AMPH: variants seen among roughly 807,000 people sequenced by gnomAD.
AMPH encodes amphiphysin (Stiff-Mann syndrome with breast cancer 128kD autoantigen).
A neutral mutation model predicts 99.1 loss-of-function variants in AMPH; 49 were observed. That is an observed-to-expected ratio of 0.49 (90% confidence interval 0.39 to 0.63). AMPH has a LOEUF of 0.63. AMPH is among the 20% of genes least tolerant of loss of function. AMPH has a pLI of 0.00. For missense variants in AMPH, 759 were observed against 863.4 expected (o/e 0.88, Z 1.52); for synonymous variants, 314 against 317.3 (o/e 0.99, Z 0.11).
chr7:38,449,915 A>G (rs1028630922), intron 11 of AMPH, among the ~76,000 whole-genome samples: 2 of 152,226 alleles, frequency 1.3e-5, no homozygotes, highest in Non-Finnish European at 2.9e-5. Context: ...TCAGGATTAC[A>G]TGGGTGAAAA....
rs7790089 is a variant in AMPH at position 38,565,649 on chromosome 7, G to T, written c.70-30638C>A. Among the ~76,000 whole-genome samples, 6 of 149,242 alleles carry T rather than the reference G, an allele frequency of 4.0e-5. No homozygotes were observed. In the East Asian group the frequency reaches 1.0e-3, roughly 25 times the overall value. On this transcript the variant is annotated intron_variant, in intron 1 of 20. Transcript: ENST00000356264. ...TCTGAATACAGTCACATTCTGAGGT[G>T]CTAGGGGTTAGGGTTTCAACATATG...
chr7:38,562,070 A>T (rs999048601), intron 1 of AMPH, among the ~76,000 whole-genome samples: 4 of 151,976 alleles, frequency 2.6e-5, no homozygotes, highest in Admixed American at 2.0e-4. Context: ...AAGGTGGGGA[A>T]GTGAGATAGG....
At chr7:38,441,655 C>T (rs768073696) in intron 11 of AMPH, among the ~76,000 whole-genome samples, 2 of 150,974 alleles carry the variant, frequency 1.3e-5, no homozygotes, top group Admixed American at 6.6e-5. Context: ...GTGCGTTTGT[C>T]GCAGCAATAT....
chr7:38,528,847 A>C (rs1790288568), intron 2 of AMPH, among the ~76,000 whole-genome samples: 1 of 152,068 alleles, frequency 6.6e-6, no homozygotes, highest in African/African-American at 2.4e-5. Flanking sequence ...TTCTAATGCA[A>C]GCATTTAATG....
At chr7:38,495,389 T>C (rs933568952) in intron 3 of AMPH, among the ~76,000 whole-genome samples, 3 of 152,198 alleles carry the variant, frequency 2.0e-5, no homozygotes, top group African/African-American at 7.2e-5. Flanking sequence ...TTTAGGGTCA[T>C]GGGTGACCAG....
chr7:38,495,359 T>C (rs1371269885), intron 3 of AMPH, among the ~76,000 whole-genome samples: 1 of 152,150 alleles, frequency 6.6e-6, no homozygotes, highest in Non-Finnish European at 1.5e-5. Context: ...GTAAGATAAT[T>C]ATTTACTTAC....
At chr7:38,540,804 G>A (rs1284974908) in intron 1 of AMPH, among the ~76,000 whole-genome samples, 5 of 148,950 alleles carry the variant, frequency 3.4e-5, no homozygotes, top group African/African-American at 1.2e-4. Context: ...GGCCAGGCAT[G>A]GCTTGTTACT....
intron 7 of AMPH, among the ~76,000 whole-genome samples, chr7:38,470,952 A>G (rs950867405): frequency 1.5e-4 from 23 of 152,154 alleles, no homozygotes; most frequent in African/African-American, 5.5e-4. Flanking sequence ...CATTGAACTT[A>G]TTGTCTGATA....
chr7:38,473,520 A>C (rs1787961916), intron 7 of AMPH, among the ~76,000 whole-genome samples: 2 of 73,162 alleles, frequency 2.7e-5, no homozygotes, highest in African/African-American at 6.2e-5. Context: ...CTGGCTAACA[A>C]GGTGAAACCC....
At chr7:38,413,249 T>C (rs183341987) in intron 17 of AMPH, among the ~76,000 whole-genome samples, 7 of 152,306 alleles carry the variant, frequency 4.6e-5, no homozygotes, top group Non-Finnish European at 7.3e-5. Context: ...CATTTTATAT[T>C]TGAGGTAAGT....
At chr7:38,566,879 T>A (rs1429625580) in intron 1 of AMPH, among the ~76,000 whole-genome samples, 1 of 152,154 alleles carries the variant, frequency 6.6e-6, no homozygotes, top group African/African-American at 2.4e-5. Flanking sequence ...CATTAAAAAG[T>A]CAGGCAACAA....
rs1452884424 is a variant in AMPH, at chr7:38,591,981, G to A, written c.69+39302C>T. ...GAAATCAGGGGACTCACAGCCTTCA[G>A]AGCTTAGAGCCATGAACAGAGATTT... is the stretch of plus-strand genomic sequence containing the variant. On this transcript the variant is annotated intron_variant, in intron 1 of 20. Transcript: ENST00000356264. Among the ~76,000 whole-genome samples, 11 of 152,312 alleles carry A rather than the reference G, an allele frequency of 7.2e-5. No homozygotes were observed. In the East Asian group the frequency reaches 2.1e-3, roughly 29 times the overall value.
intron 1 of AMPH, among the ~76,000 whole-genome samples, chr7:38,627,387 C>CAAAAAAACAAAAAAAAAAA (rs1554381256): frequency 8.6e-6 from 1 of 116,936 alleles, no homozygotes; most frequent in Non-Finnish European, 1.7e-5. Flanking sequence ...ACTAAAAATA[C>CAAAAAAACAAAAAAAAAAA]AAAAAAAAAA....
At chr7:38,523,485 G>A (rs1450532749) in intron 2 of AMPH, among the ~76,000 whole-genome samples, 1 of 152,164 alleles carries the variant, frequency 6.6e-6, no homozygotes, top group Non-Finnish European at 1.5e-5. Context: ...GAATGATGCA[G>A]GTCTGTCAAA....
In AMPH at chr7:38,384,828, C is replaced by G. The variant is rs758026337; in HGVS notation, c.2078G>C (p.Arg693Pro). ...GCAGTACTTGTTGCCCTAATCTAAG[C>G]GTCGGGTGAAGTTCTCTGGAAAGAG... ...KGLFPENFTR[R>P]LD Residue 693 changes from arginine to proline, a missense_variant, in exon 21 of 21, where the codon CGC (arginine) becomes CCC (proline). This residue lies in a region of AMPH where 554 missense variants were observed against 575.6 expected (regional missense o/e 0.96). Transcript: ENST00000356264. The G allele has an allele frequency of 1.2e-5, 19 of 1,613,688 alleles. No individual in the cohort carries two copies. Among genetic ancestry groups the G allele is most frequent in the Non-Finnish European group, 1.4e-5 (17 of 1,179,790 alleles).
rs1003338100 is a variant in AMPH at position 38,539,101 on chromosome 7, C to G, written c.70-4090G>C. ...ACGGGCAGAGGAAGAGAATCCTTGACAGGAGACTGGGGACCCAGAGGTATG... is the reference window on the plus strand; with the variant it reads ...ACGGGCAGAGGAAGAGAATCCTTGAGAGGAGACTGGGGACCCAGAGGTATG... On this transcript the variant is annotated intron_variant, in intron 1 of 20. Coordinates refer to ENST00000356264, the MANE Select transcript of AMPH (RefSeq NM_001635.4). Among the ~76,000 whole-genome samples the G allele has an allele frequency of 2.6e-5, 4 of 152,170 alleles. No individual in the cohort carries two copies. In the East Asian group the frequency reaches 7.7e-4, roughly 29 times the overall value.
intron 2 of AMPH, among the ~76,000 whole-genome samples, chr7:38,513,404 C>G (rs1390631899): frequency 6.6e-6 from 1 of 152,096 alleles, no homozygotes; most frequent in Admixed American, 6.5e-5. Flanking sequence ...CCTGGGAAGT[C>G]TAGCTGAAAA....
intron 5 of AMPH, among the ~76,000 whole-genome samples, chr7:38,486,004 G>T (rs1315398643): frequency 6.6e-6 from 1 of 151,708 alleles, no homozygotes; most frequent in Non-Finnish European, 1.5e-5. Flanking sequence ...TAAAAGGAAA[G>T]ATCTCAAATA....
intron 1 of AMPH, among the ~76,000 whole-genome samples, chr7:38,559,331 A>C (rs1410235607): frequency 6.6e-6 from 1 of 152,252 alleles, no homozygotes; most frequent in Admixed American, 6.5e-5. Flanking sequence ...AATATAGATG[A>C]AGGACGATGA....
Sources: gnomAD v4.1 joint callset for allele counts (sites outside exome capture counted in the v4.1 genomes callset) on GRCh38, gnomAD v4.1.1 for gene constraint, gnomAD v4.1.1 regional missense constraint, MANE v1.5 for transcripts, NCBI Gene and HGNC (gene_info 2026-07-23, HGNC 2026-07-21) for gene names.